The following PTGIS variants were observed in gnomAD, a reference collection of about 807,000 sequenced individuals.
The protein encoded by PTGIS is prostacyclin synthase.
PTGIS carries 45 observed loss-of-function variants against 50.3 expected under a neutral mutation model. The ratio of observed to expected loss-of-function variants is 0.90; its 90% confidence interval spans 0.70 to 1.15. The LOEUF (loss-of-function observed/expected upper bound fraction) is 1.15, where lower values mean the gene tolerates loss of function less well. Among genes scored for constraint, PTGIS ranks in the 50% most tolerant of loss-of-function variants. The pLI, the probability that PTGIS is intolerant of heterozygous loss-of-function variation, is 0.00. For synonymous variants in PTGIS, 260 were observed against 267.7 expected, an observed-to-expected ratio of 0.97 and a Z score of 0.28; for missense variants, 668 against 661.3, an observed-to-expected ratio of 1.01 and a Z score of -0.11.
At chr20:49,512,839 G>A (rs1203074335) in intron 8 of PTGIS, among the ~76,000 whole-genome samples, 1 of 151,962 alleles carries the variant, frequency 6.6e-6, no homozygotes, top group Non-Finnish European at 1.5e-5. Flanking sequence ...GGAGAGAGTG[G>A]GGCCATCAAT....
At chr20:49,539,156 T>C (rs1262356162) in intron 5 of PTGIS, among the ~76,000 whole-genome samples, 1 of 152,216 alleles carries the variant, frequency 6.6e-6, no homozygotes, top group Non-Finnish European at 1.5e-5. Context: ...GTTGCCTCTG[T>C]AGAGGGAAGT....
chr20:49,564,335 T>G (rs1982844008), intron 1 of PTGIS, among the ~76,000 whole-genome samples: 1 of 152,084 alleles, frequency 6.6e-6, no homozygotes, highest in Non-Finnish European at 1.5e-5. Flanking sequence ...CACTGCAAGC[T>G]CCGCCTCCTG....
chr20:49,539,718 G>A lies in PTGIS; in HGVS notation c.525C>T (p.Ala175=), dbSNP rs1361682352. The change falls in exon 5 of 10, where the codon GCC becomes GCT. Residue 175 remains alanine, a synonymous_variant. Coordinates refer to ENST00000244043, the MANE Select transcript of PTGIS (RefSeq NM_000961.4). ...LDFSYSFLLR[A]GYLTLYGIEA... ...CAATTCCGTAAAGAGTCAGGTAGCC[G>A]GCTCTGGGGGCGGCAGACAGAGGGT... is the stretch of plus-strand genomic sequence containing the variant. 5 of 1,610,728 alleles carry A rather than the reference G, an allele frequency of 3.1e-6. No homozygotes were observed. The highest frequency in any genetic ancestry group is 2.2e-5 in the South Asian group (2 of 90,768).
chr20:49,510,783 GAAGAA>G (rs1568667509), intron 9 of PTGIS, among the ~76,000 whole-genome samples: 27 of 152,212 alleles, frequency 1.8e-4, no homozygotes, highest in African/African-American at 6.5e-4. Flanking sequence ...GTCTTGGAGG[GAAGAA>G]CCTGCTGCCA....
chr20:49,545,957 C>T (rs73910554), intron 3 of PTGIS, among the ~76,000 whole-genome samples: 4,901 of 152,158 alleles, frequency 0.032, 262 homozygotes, highest in African/African-American at 0.11. Context: ...TCCATGAACT[C>T]CTGGGTATGA....
intron 1 of PTGIS, among the ~76,000 whole-genome samples, chr20:49,566,803 G>A (rs1229641722): frequency 6.6e-6 from 1 of 152,170 alleles, no homozygotes; most frequent in Non-Finnish European, 1.5e-5. Context: ...GTAACTTGGG[G>A]CCGGATCCTG....
chr20:49,527,555 A>C (rs1981822984), intron 5 of PTGIS, among the ~76,000 whole-genome samples: 1 of 152,182 alleles, frequency 6.6e-6, no homozygotes, highest in African/African-American at 2.4e-5. Context: ...GTAGAATAGA[A>C]GAGACAGAAA....
At chr20:49,511,296 T>C (rs1204326284) in intron 8 of PTGIS, 117 bp from the exon 9 acceptor site, 1 of 1,201,654 alleles carries the variant, frequency 8.3e-7, no homozygotes, top group South Asian at 1.3e-5. Flanking sequence ...CTGGAAACCA[T>C]ATACAGGTCA....
chr20:49,525,636 T>C (rs539506775), intron 5 of PTGIS, among the ~76,000 whole-genome samples: 4 of 152,158 alleles, frequency 2.6e-5, no homozygotes, highest in Admixed American at 6.5e-5. Flanking sequence ...TTAATATACA[T>C]TGTTTTAAAG....
At chr20:49,533,990 A>AT (rs1601190617) in intron 5 of PTGIS, among the ~76,000 whole-genome samples, 1 of 150,594 alleles carries the variant, frequency 6.6e-6, no homozygotes, top group South Asian at 2.1e-4. Context: ...TATATATATA[A>AT]AATGTATGTA....
chr20:49,542,389 G>C (rs1295091623), intron 4 of PTGIS, among the ~76,000 whole-genome samples: 1 of 152,214 alleles, frequency 6.6e-6, no homozygotes, highest in African/African-American at 2.4e-5. Flanking sequence ...AAGCCAGGGG[G>C]CAGGAGCTCC....
At chr20:49,531,173 G>A (rs566551096) in intron 5 of PTGIS, among the ~76,000 whole-genome samples, 7 of 152,234 alleles carry the variant, frequency 4.6e-5, no homozygotes, top group East Asian at 3.9e-4. Context: ...TTTAAACCAC[G>A]CGAAATAATT....
chr20:49,513,410 G>T, intron 7 of PTGIS, 149 bp from the exon 8 acceptor site: 1 of 866,922 alleles, frequency 1.2e-6, no homozygotes, highest in Non-Finnish European at 1.8e-6. Flanking sequence ...GGTGAAAAAG[G>T]ACACACGATG....
rs572609717 is a variant in PTGIS at position 49,520,045 on chromosome 20, C to T, written c.855+4013G>A. On this transcript the variant is annotated intron_variant, in intron 6 of 9. Coordinates refer to ENST00000244043, the MANE Select transcript of PTGIS (RefSeq NM_000961.4). ...AGACAGGCCAGGTTCTTCCTCTGCT[C>T]AGAGCCCTACAGCAGGCACCTGTCT... Among the ~76,000 whole-genome samples, 30 of 152,284 alleles carry T rather than the reference C, an allele frequency of 2.0e-4. No homozygotes were observed. In the South Asian group the frequency reaches 6.0e-3, roughly 30 times the overall value.
In PTGIS at chr20:49,507,829, G is replaced by A. The variant is rs988397629; in HGVS notation, c.*91C>T. The A allele has an allele frequency of 3.3e-5, 51 of 1,560,494 alleles. No homozygotes were observed. In the Admixed American group the frequency reaches 6.0e-4, roughly 18 times the overall value. On this transcript the variant is annotated 3_prime_UTR_variant, in exon 10 of 10. Coordinates refer to ENST00000244043, the MANE Select transcript of PTGIS (RefSeq NM_000961.4). ...AGTGGTAATGCTAGCACCTGCACCC[G>A]GGCCAACTGTGCACACAGAAAGCTG...
At chr20:49,531,385 C>G (rs1981931842) in intron 5 of PTGIS, among the ~76,000 whole-genome samples, 1 of 152,014 alleles carries the variant, frequency 6.6e-6, no homozygotes, top group African/African-American at 2.4e-5. Context: ...GCATAAAGCC[C>G]CCTCCTGAAA....
At chr20:49,544,587 A>G in intron 3 of PTGIS, 139 bp from the exon 4 acceptor site, 4 of 843,618 alleles carry the variant, frequency 4.7e-6, no homozygotes, top group Non-Finnish European at 7.7e-6. Flanking sequence ...AGTAGCTTAA[A>G]TAAGAGGATA....
chr20:49,560,379 AT>A (rs951782981), intron 1 of PTGIS, among the ~76,000 whole-genome samples: 1 of 150,052 alleles, frequency 6.7e-6, no homozygotes, highest in South Asian at 2.1e-4. Flanking sequence ...TTGTTTTTCT[AT>A]TTTTTTATAG....
chr20:49,513,247 C>G lies in PTGIS; in HGVS notation c.1039G>C (p.Glu347Gln), dbSNP rs764522248. 9.9e-6 allele frequency: 16 copies of G among 1,613,660 alleles called. No homozygotes were observed. The highest frequency in any genetic ancestry group is 1.3e-5 in the Non-Finnish European group (15 of 1,179,994). The change falls in exon 8 of 10, where the codon GAG becomes CAG. Residue 347 changes from glutamate to glutamine, a missense_variant. By Grantham distance (29) the Glu-to-Gln change is conservative (BLOSUM62 2). Coordinates refer to ENST00000244043, the MANE Select transcript of PTGIS (RefSeq NM_000961.4). ...GGGGCAGCTGTAAGCCTGAGGCTCT[C>G]ACTCAGCACGCTATCTGCATGGGGC... is the stretch of plus-strand genomic sequence containing the variant. ...STPVLDSVLS[E>Q]SLRLTAAPFI...
Sources: allele counts gnomAD v4.1 joint callset (sites outside exome capture counted in the v4.1 genomes callset), GRCh38; gene constraint gnomAD v4.1.1; transcripts MANE v1.5; gene names NCBI Gene and HGNC (gene_info 2026-07-23, HGNC 2026-07-21).